Variants in P4HA3 observed in about 807,000 individuals in gnomAD.
The protein encoded by P4HA3 is prolyl 4-hydroxylase subunit alpha 3, also known as prolyl 4-hydroxylase subunit alpha-3.
A neutral mutation model predicts 66.7 loss-of-function variants in P4HA3; 60 were observed. The ratio of observed to expected loss-of-function variants is 0.90; its 90% CI spans 0.73 to 1.12. The LOEUF (loss-of-function observed/expected upper bound fraction) is 1.12. Among genes scored for constraint, P4HA3 ranks in the 50% most tolerant of loss-of-function variants. P4HA3 has a pLI of 0.00. For missense variants in P4HA3, 683 were observed against 685.8 expected, an observed-to-expected ratio of 1.00 and a Z score of 0.05; for synonymous variants, 263 against 274.6, an observed-to-expected ratio of 0.96 and a Z score of 0.42.
chr11:74,282,417 A>G (rs868599381), intron 7 of P4HA3, among the ~76,000 whole-genome samples: 3 of 152,222 alleles, frequency 2.0e-5, no homozygotes, highest in Non-Finnish European at 4.4e-5. Flanking sequence ...CATTCTTATG[A>G]GGGACAGGGA....
intron 5 of P4HA3, among the ~76,000 whole-genome samples, chr11:74,288,015 CA>C (rs1158628037): frequency 2.0e-5 from 3 of 151,152 alleles, no homozygotes; most frequent in Non-Finnish European, 1.5e-5. Flanking sequence ...GACTCTGTCT[CA>C]AAAAACAAAA....
intron 4 of P4HA3, among the ~76,000 whole-genome samples, chr11:74,296,884 T>A (rs1861230110): frequency 6.6e-6 from 1 of 152,088 alleles, no homozygotes; most frequent in Admixed American, 6.6e-5. Context: ...CACAGCAATT[T>A]AGCAGGAGAG....
chr11:74,268,177 G>C lies in P4HA3; in HGVS notation c.1532C>G (p.Ala511Gly), dbSNP rs372611702. Residue 511 changes from alanine (A) to glycine (G), a missense_variant, in exon 12 of 13, where the codon GCT becomes GGT. Ala to Gly is a moderately conservative substitution (Grantham distance 60). Coordinates refer to ENST00000331597, the MANE Select transcript of P4HA3 (RefSeq NM_182904.5). The part of the protein sequence containing the change: ...SGEGDSDTLH[A>G]GCPVLVGDKW... ...ATCTCCCACCAGGACAGGACAGCCAGCATGAAGTGTGTCACTGTCCCCTTC... is the reference window on the plus strand; with the variant it reads ...ATCTCCCACCAGGACAGGACAGCCACCATGAAGTGTGTCACTGTCCCCTTC... 2 of 1,614,076 alleles carry C rather than the reference G, an allele frequency of 1.2e-6. No individual in the cohort carries two copies. The highest frequency in any genetic ancestry group is 1.7e-6 in the Non-Finnish European group (2 of 1,179,952).
Position 74,269,661 on chromosome 11 carries a change from A to G in P4HA3, c.1458T>C (p.Pro486=). The G allele has an allele frequency of 6.2e-7, 1 of 1,613,672 alleles. No individual in the cohort carries two copies. Among genetic ancestry groups the G allele is most frequent in the East Asian group, 2.2e-5 (1 of 44,842 alleles). ...TAFIYANLSV[P]VVRNAALFWW... is the part of the protein sequence containing the mutation. ...CCAGGGCCCCACTCACCCTAACCAC[A>G]GGCACGCTGAGGTTGGCATAGATGA... Residue 486 remains proline (P), a synonymous_variant, in exon 11 of 13, where the codon CCT becomes CCC. Coordinates refer to ENST00000331597, the MANE Select transcript of P4HA3 (RefSeq NM_182904.5).
In P4HA3 at chr11:74,251,772, G is replaced by A. The variant is rs771069880; in HGVS notation, c.*1319-3771C>T. ...CAGTGCTGGCCGAATCTGACAAGCAGACACTTGTAGGACTGTAAATATCTC... is the reference window on the plus strand; with the variant it reads ...CAGTGCTGGCCGAATCTGACAAGCAAACACTTGTAGGACTGTAAATATCTC... On this transcript the variant is annotated intron_variant and NMD_transcript_variant, in intron 15 of 15. Coordinates refer to the P4HA3 transcript ENST00000524388. 9.4e-5 allele frequency: 150 copies of A among 1,590,404 alleles called. 2 individuals are homozygous for A. The highest frequency in any genetic ancestry group is 5.0e-5 in the Admixed American group (3 of 59,976).
At chr11:74,266,334 G>A (rs997280623), downstream of P4HA3, among the ~76,000 whole-genome samples, 7 of 152,168 alleles carry the variant, frequency 4.6e-5, no homozygotes, top group Non-Finnish European at 8.8e-5. Context: ...ATAAAATGGT[G>A]TAGTATTTGC....
chr11:74,266,795 C>T lies in P4HA3; in HGVS notation c.*453G>A. Reference sequence around the variant, plus strand: ...GCTTCTGGGAGGGGGACACTCCCTGCTTGGGCTGCAGCAGAAGGCAGTGGG... The same window carrying T: ...GCTTCTGGGAGGGGGACACTCCCTGTTTGGGCTGCAGCAGAAGGCAGTGGG... On this transcript the variant is annotated 3_prime_UTR_variant, in exon 13 of 13. Coordinates refer to ENST00000331597, the MANE Select transcript of P4HA3 (RefSeq NM_182904.5). 1 of 481,898 alleles carries T rather than the reference C, an allele frequency of 2.1e-6. No homozygotes were observed. The highest frequency in any genetic ancestry group is 3.3e-5 in the South Asian group (1 of 30,366). 29.9% of individuals were successfully genotyped at this position (481,898 alleles called of 1,614,324 possible).
chr11:74,273,830 C>T (rs1379539046), intron 9 of P4HA3, among the ~76,000 whole-genome samples: 1 of 139,946 alleles, frequency 7.1e-6, no homozygotes, highest in African/African-American at 2.7e-5. Flanking sequence ...GAATTGTCTA[C>T]TACCAAACAG....
At position 74,311,519 on chromosome 11, in the gene P4HA3, G is replaced by C; in HGVS notation, c.93C>G (p.Phe31Leu). Residue 31 changes from phenylalanine (F) to leucine (L), a missense_variant, in exon 1 of 13, where the codon TTC becomes TTG. By Grantham distance (22) the Phe-to-Leu change is conservative. Coordinates refer to ENST00000331597, the MANE Select transcript of P4HA3 (RefSeq NM_182904.5). ...CGCGCGCCACGCTGGTCAGCGCCGA[G>C]AACGTGTCGCCCCGAGCCGCAGCCC... The part of the protein sequence containing the change: ...PERAAARGDT[F>L]SALTSVARAL... 1 of 1,542,262 alleles carries C rather than the reference G, an allele frequency of 6.5e-7. No homozygotes were observed. The highest frequency in any genetic ancestry group is 8.7e-7 in the Non-Finnish European group (1 of 1,153,050).
At position 74,293,683 on chromosome 11, in the gene P4HA3, T is replaced by C. The variant is rs1185548688; in HGVS notation, c.717+4529A>G. On this transcript the variant is annotated intron_variant, in intron 4 of 12. Transcript: ENST00000331597. ...CCAGCATTTGCTTGTCTGTAAAGGA[T>C]TTTATTTCTCCTTCACTTATGAAGC... 9.8e-5 allele frequency among the ~76,000 whole-genome samples: 15 copies of C among 152,310 alleles called. No homozygotes were observed. The East Asian group carries it at 1.7e-3, about 18-fold the overall frequency.
At chr11:74,252,403 AG>A in intron 15 of P4HA3, 1 of 454,340 alleles carries the variant, frequency 2.2e-6, no homozygotes. Context: ...GGCCTAGAGC[AG>A]GGTTTTCTAC....
At chr11:74,256,541 ACCATTCATGTGTT>A (rs1381218713) in intron 15 of P4HA3, among the ~76,000 whole-genome samples, 42 of 152,296 alleles carry the variant, frequency 2.8e-4, no homozygotes, top group East Asian at 5.8e-4. Flanking sequence ...AAGAGAAGGG[ACCATTCATGTGTT>A]CACTTAACAT....
Position 74,285,874 on chromosome 11 carries a change from C to G in P4HA3, c.1045G>C (p.Ala349Pro), listed in dbSNP as rs779523719. ...KEVIHLEPYI[A>P]LYHDFVSDSE... The stretch of plus-strand genomic sequence containing the variant: ...TCACTGACGAAGTCATGGTAGAGAG[C>G]AATGTAGGGCTCCAGGTGGATGACC... The change falls in exon 7 of 13, where the codon GCT becomes CCT. Residue 349 changes from alanine (A) to proline (P), a missense_variant. By Grantham distance (27) the Ala-to-Pro change is conservative. Coordinates refer to ENST00000331597, the MANE Select transcript of P4HA3 (RefSeq NM_182904.5). The G allele has an allele frequency of 6.2e-6, 10 of 1,613,882 alleles. No individual in the cohort carries two copies. Among genetic ancestry groups the G allele is most frequent in the Non-Finnish European group, 7.6e-6 (9 of 1,179,908 alleles).
At chr11:74,298,485 T>A in intron 3 of P4HA3, 124 bp from the exon 4 acceptor site, 1 of 1,164,448 alleles carries the variant, frequency 8.6e-7, no homozygotes, top group Non-Finnish European at 1.2e-6. Context: ...AAATTCATTT[T>A]AATTCAATTT....
chr11:74,263,724 G>A (rs1041034059), downstream of P4HA3, among the ~76,000 whole-genome samples: 5 of 152,156 alleles, frequency 3.3e-5, no homozygotes, highest in African/African-American at 1.2e-4. Context: ...AGACTTTAAT[G>A]TAAAGAATAT....
intron 15 of P4HA3, among the ~76,000 whole-genome samples, chr11:74,257,553 G>T (rs1164900391): frequency 6.6e-6 from 1 of 152,162 alleles, no homozygotes; most frequent in Non-Finnish European, 1.5e-5. Flanking sequence ...GAAGAAGACT[G>T]TGGCTGGAGT....
At chr11:74,277,911 C>T (rs942876184) in intron 8 of P4HA3, among the ~76,000 whole-genome samples, 6 of 152,210 alleles carry the variant, frequency 3.9e-5, no homozygotes, top group Admixed American at 2.0e-4. Flanking sequence ...TTTCTTTGCT[C>T]TTTGCTTTTG....
At chr11:74,310,438 C>T (rs1008274150) in intron 1 of P4HA3, among the ~76,000 whole-genome samples, 7 of 152,164 alleles carry the variant, frequency 4.6e-5, no homozygotes, top group African/African-American at 1.2e-4. Context: ...TTTCACAGTG[C>T]TTTTTTGATA....
intron 5 of P4HA3, 27 bp downstream of exon 5, chr11:74,289,052 C>G: frequency 6.7e-7 from 1 of 1,491,242 alleles, no homozygotes; most frequent in Non-Finnish European, 9.0e-7. Flanking sequence ...AGACCTGTGG[C>G]TGGCTTATCT....
Sources: gnomAD v4.1 joint callset for allele counts (sites outside exome capture counted in the v4.1 genomes callset) on GRCh38, gnomAD v4.1.1 for gene constraint, MANE v1.5 for transcripts, NCBI Gene and HGNC (gene_info 2026-07-23, HGNC 2026-07-21) for gene names.